DUSP18: variants seen among roughly 807,000 people sequenced by gnomAD.
The protein encoded by DUSP18 is dual specificity protein phosphatase 18.
Under a neutral mutation model 6.3 loss-of-function variants are expected in DUSP18, and 4 were observed. The observed-to-expected ratio is 0.63, with a 90% CI of 0.31 to 1.45. DUSP18 has a LOEUF of 1.45. DUSP18 is among the 40% of genes most tolerant of loss of function. The pLI, the probability that DUSP18 is intolerant of heterozygous loss-of-function variation, is 0.07. For missense variants in DUSP18, 235 were observed against 247.7 expected (o/e 0.95, Z 0.34); for synonymous variants, 96 against 95.1 (o/e 1.01, Z -0.05).
downstream of DUSP18, among the ~76,000 whole-genome samples, chr22:30,657,299 A>G (rs1158475384): frequency 2.9e-3 from 184 of 64,238 alleles, 1 homozygote; most frequent in African/African-American, 5.2e-3. Flanking sequence ...ACACACACAC[A>G]CACACACAAA....
In DUSP18 at chr22:30,663,341, G is replaced by T; in HGVS notation, c.*96C>A. 6 of 1,270,590 alleles carry T rather than the reference G, an allele frequency of 4.7e-6. No homozygotes were observed. Among genetic ancestry groups the T allele is most frequent in the South Asian group, 3.1e-5 (2 of 65,336 alleles). 78.7% of individuals were successfully genotyped at this position (1,270,590 alleles called of 1,614,324 possible). ...TAAAAGGCATCATCTGTTTTTTTCTGTATCAACAAAAGTAGAATGTTCAAG... is the reference window on the plus strand; with the variant it reads ...TAAAAGGCATCATCTGTTTTTTTCTTTATCAACAAAAGTAGAATGTTCAAG... On this transcript the variant is annotated 3_prime_UTR_variant, in exon 2 of 2. Coordinates refer to ENST00000334679, the MANE Select transcript of DUSP18 (RefSeq NM_152511.5).
intron 1 of DUSP18, among the ~76,000 whole-genome samples, chr22:30,665,987 G>A (rs1339836276): frequency 6.6e-6 from 1 of 152,152 alleles, no homozygotes; most frequent in African/African-American, 2.4e-5. Flanking sequence ...AAGACCAAAG[G>A]TTGTATAGGC....
Position 30,667,845 on chromosome 22 carries a change from G to A in DUSP18, c.-461C>T, listed in dbSNP as rs11912792. 0.24 allele frequency: 37,065 copies of A among 152,464 alleles called. 5,886 individuals are homozygous for A. The highest frequency in any genetic ancestry group is 0.45 in the African/African-American group (18,821 of 41,506). 9.4% of individuals were successfully genotyped at this position (152,464 alleles called of 1,614,324 possible). A position where few individuals can be genotyped will look rare whatever the true frequency, so the allele number is the denominator to read the frequency against. On this transcript the variant is annotated 5_prime_UTR_variant, in exon 1 of 2. Transcript: ENST00000334679. The stretch of plus-strand genomic sequence containing the variant: ...GCACCAGGGCTGCAGCCGAGAGACA[G>A]TCTCACCGCTTCCGTAGCCGCCCGG...
intron 2 of DUSP18, chr22:30,654,175 T>G (rs1807507): frequency 1.3e-5 from 3 of 236,538 alleles, no homozygotes; most frequent in Non-Finnish European, 1.7e-5. Context: ...TAGTAGAGAC[T>G]GGGTTTCACC....
chr22:30,654,556 C>T (rs1028413476), intron 2 of DUSP18: 6 of 442,842 alleles, frequency 1.4e-5, no homozygotes, highest in Non-Finnish European at 2.3e-5. Flanking sequence ...CAGCATGCCT[C>T]GGGGTCCGCC....
chr22:30,663,461 T>G lies in DUSP18; in HGVS notation c.543A>C (p.Glu181Asp). The G allele has an allele frequency of 1.2e-6, 2 of 1,611,836 alleles. No homozygotes were observed. Among genetic ancestry groups the G allele is most frequent in the Non-Finnish European group, 1.7e-6 (2 of 1,177,978 alleles). Residue 181 changes from glutamate to aspartate, a missense_variant, in exon 2 of 2, where the codon GAA (glutamate) becomes GAC (aspartate). Coordinates refer to ENST00000334679, the MANE Select transcript of DUSP18 (RefSeq NM_152511.5). ...VGMIPDIYEK[E>D]VRLMIPL Reference sequence around the variant, plus strand: ...CTCACAGTGGAATCATCAAACGGACTTCCTTCTCATAGATGTCAGGGATCA... The same window carrying G: ...CTCACAGTGGAATCATCAAACGGACGTCCTTCTCATAGATGTCAGGGATCA...
At chr22:30,660,223 T>A (rs372433958), downstream of DUSP18, among the ~76,000 whole-genome samples, 28 of 152,338 alleles carry the variant, frequency 1.8e-4, no homozygotes, top group African/African-American at 4.6e-4. Context: ...ATATGGATGT[T>A]GTTTTAAGCC....
At chr22:30,652,968 T>C (rs1172685673) in intron 2 of DUSP18, among the ~76,000 whole-genome samples, 1 of 152,170 alleles carries the variant, frequency 6.6e-6, no homozygotes, top group East Asian at 1.9e-4. Context: ...TGAATATCTA[T>C]TGAATGAGTG....
chr22:30,653,972 G>GTTTTGTTT (rs2088277959), intron 2 of DUSP18: 2 of 157,008 alleles, frequency 1.3e-5, no homozygotes, highest in African/African-American at 5.2e-5. Flanking sequence ...CTCATTAGCT[G>GTTTTGTTT]TTTTGTTTTT....
intron 2 of DUSP18, chr22:30,654,563 C>T (rs763604751): frequency 1.1e-4 from 51 of 448,526 alleles, no homozygotes; most frequent in Non-Finnish European, 1.9e-4. Context: ...CCTCGGGGTC[C>T]GCCAGAAGAT....
chr22:30,667,657 C>G lies in DUSP18; in HGVS notation c.-273G>C, dbSNP rs1254115721. ...TGCCGGGTCTTCAGAGAAATCCTGGCCTCGGCTCCACGCCCCTGAGCAGCC... is the reference window on the plus strand; with the variant it reads ...TGCCGGGTCTTCAGAGAAATCCTGGGCTCGGCTCCACGCCCCTGAGCAGCC... On this transcript the variant is annotated 5_prime_UTR_variant, in exon 1 of 2. Coordinates refer to ENST00000334679, the MANE Select transcript of DUSP18 (RefSeq NM_152511.5). The G allele has an allele frequency of 6.5e-5, 10 of 152,706 alleles. No individual in the cohort carries two copies. The highest frequency in any genetic ancestry group is 6.5e-4 in the Admixed American group (10 of 15,288). The allele number at this position is 152,706 out of a possible 1,614,324, so 9.5% of individuals were successfully genotyped here. A position where few individuals can be genotyped will look rare whatever the true frequency, so the allele number is the denominator to read the frequency against.
chr22:30,653,111 A>G (rs560912545), intron 2 of DUSP18, among the ~76,000 whole-genome samples: 24 of 152,294 alleles, frequency 1.6e-4, no homozygotes, highest in Middle Eastern at 3.4e-3. Context: ...GGCCCACAGC[A>G]TGCACTTAGT....
downstream of DUSP18, among the ~76,000 whole-genome samples, chr22:30,660,916 T>C (rs560126333): frequency 8.5e-5 from 13 of 152,050 alleles, no homozygotes; most frequent in African/African-American, 3.1e-4. Flanking sequence ...CTTGGCTCAC[T>C]GCAACCTCTG....
At position 30,663,297 on chromosome 22, in the gene DUSP18, C is replaced by CA; in HGVS notation, c.*139dup. 1.2e-6 allele frequency: 1 copy of CA among 804,548 alleles called. No individual in the cohort carries two copies. The allele number at this position is 804,548 out of a possible 1,614,324, so 49.8% of individuals were successfully genotyped here. ...TGGATTATAAAGTTAAAAGCTACAG[C>CA]AACTCTTTTTTGTGCTCATAAAAGG... On this transcript the variant is annotated 3_prime_UTR_variant, in exon 2 of 2. Transcript: ENST00000334679.
At chr22:30,667,423 T>C (rs2088716891) in intron 1 of DUSP18, 39 bp downstream of exon 1, 1 of 152,200 alleles carries the variant, frequency 6.6e-6, no homozygotes, top group African/African-American at 2.4e-5. Context: ...TGGAATAGGC[T>C]TCTTCGCCTG....
chr22:30,654,618 GC>G, intron 2 of DUSP18: 1 of 462,862 alleles, frequency 2.2e-6, no homozygotes. Context: ...AGTGGTAGGT[GC>G]CTCGGGAAGG....
chr22:30,658,960 T>C (rs1272369240), downstream of DUSP18, among the ~76,000 whole-genome samples: 2 of 151,752 alleles, frequency 1.3e-5, no homozygotes, highest in Non-Finnish European at 1.5e-5. Context: ...CTGGCTAACA[T>C]GGCGAAACCG....
chr22:30,655,508 T>C (rs1461002396), intron 2 of DUSP18, among the ~76,000 whole-genome samples: 2 of 142,060 alleles, frequency 1.4e-5, no homozygotes, highest in African/African-American at 2.5e-5. Flanking sequence ...CAAAATATCC[T>C]TTTTTTTTTT....
At chr22:30,657,081 C>T (rs1475236410), downstream of DUSP18, among the ~76,000 whole-genome samples, 2 of 152,220 alleles carry the variant, frequency 1.3e-5, no homozygotes, top group Non-Finnish European at 2.9e-5. Context: ...TTGGTTACAA[C>T]GATGGGGATA....
Sources: allele counts gnomAD v4.1 joint callset (sites outside exome capture counted in the v4.1 genomes callset), GRCh38; gene constraint gnomAD v4.1.1; transcripts MANE v1.5; gene names NCBI Gene and HGNC (gene_info 2026-07-23, HGNC 2026-07-21).